The following CACNA1I variants were observed in gnomAD, a reference collection of about 807,000 sequenced individuals.
CACNA1I encodes calcium voltage-gated channel subunit alpha1 I.
A neutral mutation model predicts 201.6 loss-of-function variants in CACNA1I; 74 were observed. That is an observed-to-expected ratio of 0.37 (90% CI 0.30 to 0.45). The LOEUF is 0.45. CACNA1I is among the 20% of genes least tolerant of loss of function. The probability of loss-of-function intolerance (pLI) is 1.00; values close to 1 mark genes in which losing one functional copy is unlikely to be tolerated. For synonymous variants in CACNA1I, 1,431 were observed against 1,345.2 expected (o/e 1.06, Z -1.40); for missense variants, 2,346 against 3,138.1 (o/e 0.75, Z 6.03).
At chr22:39,608,442 C>T (rs1347453114) in intron 3 of CACNA1I, among the ~76,000 whole-genome samples, 1 of 151,820 alleles carries the variant, frequency 6.6e-6, no homozygotes, top group East Asian at 1.9e-4. Context: ...TTCTTTAAAA[C>T]ATTTTTTAAA....
intron 14 of CACNA1I, among the ~76,000 whole-genome samples, 200 bp downstream of exon 14, chr22:39,660,052 T>G (rs1934953514): frequency 6.6e-6 from 1 of 151,258 alleles, no homozygotes; most frequent in Non-Finnish European, 1.5e-5. Flanking sequence ...CCATCCCTGC[T>G]CCCCCCCAGG....
At chr22:39,609,274 A>T (rs1933312366) in intron 3 of CACNA1I, among the ~76,000 whole-genome samples, 1 of 152,156 alleles carries the variant, frequency 6.6e-6, no homozygotes, top group East Asian at 1.9e-4. Context: ...GAACCCAGGG[A>T]GCTTAGCTCC....
intron 1 of CACNA1I, among the ~76,000 whole-genome samples, chr22:39,579,648 CTT>C (rs132569): frequency 1.4e-3 from 193 of 141,956 alleles, no homozygotes; most frequent in African/African-American, 1.8e-3. Flanking sequence ...CTTTCAAGCT[CTT>C]TTTTTTTTTT....
chr22:39,656,466 CA>C (rs757415285), intron 10 of CACNA1I: 2 of 517,646 alleles, frequency 3.9e-6, no homozygotes. Context: ...AGCCACCCCC[CA>C]CTTTCCTGGC....
chr22:39,581,578 T>G (rs1190290730), intron 1 of CACNA1I, among the ~76,000 whole-genome samples: 1 of 152,120 alleles, frequency 6.6e-6, no homozygotes, highest in Non-Finnish European at 1.5e-5. Context: ...GGAAGTCTCA[T>G]AATTGAAGGA....
intron 8 of CACNA1I, 34 bp downstream of exon 8, chr22:39,646,915 C>T (rs1407283527): frequency 1.4e-6 from 2 of 1,454,950 alleles, no homozygotes; most frequent in African/African-American, 1.4e-5. Flanking sequence ...GGCACTCAGG[C>T]ACTTCGTGCC....
rs1216366631 is a variant in CACNA1I, at chr22:39,646,705, C to A, written c.1286C>A (p.Ala429Asp). 5.0e-6 allele frequency: 8 copies of A among 1,595,116 alleles called. No individual in the cohort carries two copies. Among genetic ancestry groups the A allele is most frequent in the Non-Finnish European group, 6.8e-6 (8 of 1,171,154 alleles). Reference sequence around the variant, plus strand: ...TCCTCCAGCACGGTGGCCAGCTACGCCGAGCCTGGCGACTGCTACGAGGAG... The same window carrying A: ...TCCTCCAGCACGGTGGCCAGCTACGACGAGCCTGGCGACTGCTACGAGGAG... The part of the protein sequence containing the change: ...YLSSSTVASY[A>D]EPGDCYEEIF... Residue 429 changes from alanine to aspartate, a missense_variant, in exon 8 of 37, where the codon GCC (alanine) becomes GAC (aspartate). Coordinates refer to ENST00000402142, the MANE Select transcript of CACNA1I (RefSeq NM_021096.4).
At chr22:39,605,146 G>C (rs60399984) in intron 3 of CACNA1I, among the ~76,000 whole-genome samples, 1 of 123,516 alleles carries the variant, frequency 8.1e-6, no homozygotes, top group African/African-American at 2.9e-5. Flanking sequence ...TCTGTTCCCC[G>C]AGTAACCGGC....
intron 1 of CACNA1I, among the ~76,000 whole-genome samples, chr22:39,572,013 C>T (rs5757732): frequency 0.27 from 40,772 of 151,878 alleles, 6,948 homozygotes; most frequent in East Asian, 0.72. Context: ...ATGGCAGGAG[C>T]GAAGCCTGGA....
chr22:39,678,182 G>A (rs1935575248), intron 31 of CACNA1I, 74 bp downstream of exon 31: 1 of 1,528,326 alleles, frequency 6.5e-7, no homozygotes, highest in Non-Finnish European at 8.9e-7. Flanking sequence ...CTGCTGCTCA[G>A]GGCTCTGCCC....
chr22:39,655,355 A>G (rs1221477645), intron 10 of CACNA1I, among the ~76,000 whole-genome samples: 1 of 152,154 alleles, frequency 6.6e-6, no homozygotes, highest in African/African-American at 2.4e-5. Context: ...CGCATCAGGC[A>G]GGGACTTGCA....
chr22:39,647,618 T>C (rs534162448), intron 8 of CACNA1I, among the ~76,000 whole-genome samples: 1 of 152,162 alleles, frequency 6.6e-6, no homozygotes, highest in Non-Finnish European at 1.5e-5. Flanking sequence ...CTCCCTATGT[T>C]GCCCAGGCTG....
At chr22:39,671,601 T>G (rs974048228) in intron 26 of CACNA1I, among the ~76,000 whole-genome samples, 3 of 152,120 alleles carry the variant, frequency 2.0e-5, no homozygotes, top group African/African-American at 7.2e-5. Context: ...CTAAAAACCC[T>G]GATGGAGTTG....
At chr22:39,571,769 C>G (rs1232946894) in intron 1 of CACNA1I, among the ~76,000 whole-genome samples, 1 of 152,274 alleles carries the variant, frequency 6.6e-6, no homozygotes, top group African/African-American at 2.4e-5. Context: ...GATTCCTCCT[C>G]TGCTTCATAT....
At chr22:39,577,255 T>C (rs972275983) in intron 1 of CACNA1I, among the ~76,000 whole-genome samples, 1 of 152,242 alleles carries the variant, frequency 6.6e-6, no homozygotes, top group African/African-American at 2.4e-5. Flanking sequence ...AGGCTGGTCT[T>C]GAACTCCTGA....
intron 26 of CACNA1I, 122 bp from the exon 27 acceptor site, chr22:39,672,077 A>G (rs968302277): frequency 2.7e-5 from 18 of 666,536 alleles, no homozygotes; most frequent in Non-Finnish European, 4.7e-5. Flanking sequence ...CAGCATATAA[A>G]TAATTACACT....
At chr22:39,630,715 C>T (rs182259134) in intron 4 of CACNA1I, among the ~76,000 whole-genome samples, 5 of 152,340 alleles carry the variant, frequency 3.3e-5, no homozygotes, top group East Asian at 3.9e-4. Context: ...CCAGACAAGG[C>T]GACCGCTCAG....
chr22:39,669,200 C>T (rs1935290363), intron 24 of CACNA1I, among the ~76,000 whole-genome samples: 1 of 152,188 alleles, frequency 6.6e-6, no homozygotes, highest in Non-Finnish European at 1.5e-5. Context: ...GGGCTGTGTG[C>T]AACTCCCAGG....
rs1041611877 is a variant in CACNA1I, at chr22:39,686,437, C to T, written c.*32C>T. Reference sequence around the variant, plus strand: ...CAGGGGCCCCCGGCCGCCCACCGCCCGCCCCGTCTCACCTTCTTTACCTCA... The same window carrying T: ...CAGGGGCCCCCGGCCGCCCACCGCCTGCCCCGTCTCACCTTCTTTACCTCA... On this transcript the variant is annotated 3_prime_UTR_variant, in exon 37 of 37. Transcript: ENST00000402142. 3 of 1,208,288 alleles carry T rather than the reference C, an allele frequency of 2.5e-6. No homozygotes were observed. The highest frequency in any genetic ancestry group is 1.6e-5 in the African/African-American group (1 of 62,784). The allele number at this position is 1,208,288 out of a possible 1,614,324, so 74.8% of individuals were successfully genotyped here.
Sources: allele counts gnomAD v4.1 joint callset (sites outside exome capture counted in the v4.1 genomes callset), GRCh38; gene constraint gnomAD v4.1.1; transcripts MANE v1.5; gene names NCBI Gene and HGNC (gene_info 2026-07-23, HGNC 2026-07-21).